Variants in NBEAL1 observed in about 807,000 individuals in gnomAD.
NBEAL1 encodes the protein neurobeachin like 1.
A neutral mutation model predicts 351.3 loss-of-function variants in NBEAL1; 273 were observed. The ratio of observed to expected loss-of-function variants is 0.78; its 90% confidence interval spans 0.70 to 0.86. NBEAL1 has a LOEUF of 0.86. Ranked by LOEUF, NBEAL1 falls within the 40% of genes least tolerant of loss-of-function variation. The probability of loss-of-function intolerance (pLI) is 0.00; values close to 1 mark genes in which losing one functional copy is unlikely to be tolerated. For missense variants in NBEAL1, 2,961 were observed against 3,201.3 expected (o/e 0.92, Z 1.81); for synonymous variants, 1,050 against 1,086.4 (o/e 0.97, Z 0.66).
At chr2:203,112,386 G>A (rs915104505) in intron 16 of NBEAL1, among the ~76,000 whole-genome samples, 13 of 152,126 alleles carry the variant, frequency 8.5e-5, no homozygotes, top group Admixed American at 2.6e-4. Context: ...TCAATCTATC[G>A]TTTAATAAAA....
intron 7 of NBEAL1, 27 bp from the exon 8 acceptor site, chr2:203,077,725 A>T: frequency 1.7e-6 from 2 of 1,150,448 alleles, no homozygotes; most frequent in Non-Finnish European, 2.3e-6. Context: ...AATCTTATTT[A>T]TTTATTTATT....
intron 46 of NBEAL1, among the ~76,000 whole-genome samples, chr2:203,192,120 G>A (rs565016825): frequency 1.3e-5 from 2 of 152,210 alleles, no homozygotes; most frequent in South Asian, 4.1e-4. Context: ...AGTTTGCTCG[G>A]AACCTCCAAC....
At chr2:203,097,492 T>TA (rs2062208208) in intron 10 of NBEAL1, 55 bp from the exon 11 acceptor site, 1 of 725,504 alleles carries the variant, frequency 1.4e-6, no homozygotes, top group East Asian at 1.3e-4. Flanking sequence ...CATTGCTGCT[T>TA]ATAGGTAACA....
intron 4 of NBEAL1, among the ~76,000 whole-genome samples, chr2:203,055,242 A>G (rs2061385654): frequency 6.6e-6 from 1 of 152,188 alleles, no homozygotes; most frequent in Non-Finnish European, 1.5e-5. Flanking sequence ...AGAGGCTTCC[A>G]ATTTTGCCTC....
chr2:203,156,680 C>T (rs188167723), intron 35 of NBEAL1, among the ~76,000 whole-genome samples: 53 of 152,136 alleles, frequency 3.5e-4, no homozygotes, highest in Admixed American at 5.9e-4. Context: ...CTGTACGTTA[C>T]GTTGATTCAT....
At chr2:203,125,794 A>G (rs1435651884) in intron 20 of NBEAL1, among the ~76,000 whole-genome samples, 166 bp from the exon 21 acceptor site, 1 of 152,138 alleles carries the variant, frequency 6.6e-6, no homozygotes, top group African/African-American at 2.4e-5. Flanking sequence ...TAAATATACA[A>G]TATTATAGTT....
At chr2:203,087,285 G>A (rs947454245) in intron 10 of NBEAL1, among the ~76,000 whole-genome samples, 1 of 151,234 alleles carries the variant, frequency 6.6e-6, no homozygotes, top group African/African-American at 2.4e-5. Context: ...TAGAGATGGG[G>A]TTTCACCACC....
At position 203,057,312 on chromosome 2, in the gene NBEAL1, A is replaced by T; in HGVS notation, c.388-14A>T. The T allele has an allele frequency of 6.5e-7, 1 of 1,540,150 alleles. No individual in the cohort carries two copies. Among genetic ancestry groups the T allele is most frequent in the Non-Finnish European group, 8.8e-7 (1 of 1,139,944 alleles). On this transcript the variant is annotated splice_polypyrimidine_tract_variant and intron_variant, in intron 5 of 55. Transcript: ENST00000683969. ...TAAGGCATGTCTTTAATTTATGTTT[A>T]ACTTTGTTCTCAGTTAAAAAGCAAA... is the stretch of plus-strand genomic sequence containing the variant.
chr2:203,077,751 G>C lies in NBEAL1; in HGVS notation c.599-1G>C. Reference sequence around the variant, plus strand: ...TTTATTTATTTATTTATTATTTACAGAATGTTTTCAGGAAAGTGAACATCT... The same window carrying C: ...TTTATTTATTTATTTATTATTTACACAATGTTTTCAGGAAAGTGAACATCT... On this transcript the variant is annotated splice_acceptor_variant, in intron 7 of 55. Transcript: ENST00000683969. LOFTEE classifies it high-confidence loss of function. 7.3e-7 allele frequency: 1 copy of C among 1,361,522 alleles called. No individual in the cohort carries two copies. The highest frequency in any genetic ancestry group is 2.7e-5 in the Admixed American group (1 of 37,018). The allele number at this position is 1,361,522 out of a possible 1,614,324, so 84.3% of individuals were successfully genotyped here. A position where few individuals can be genotyped will look rare whatever the true frequency, so the allele number is the denominator to read the frequency against.
At chr2:203,172,044 A>G (rs2064335546) in intron 40 of NBEAL1, 21 bp downstream of exon 40, 6 of 1,422,408 alleles carry the variant, frequency 4.2e-6, no homozygotes, top group East Asian at 2.3e-5. Context: ...CATAAACCTT[A>G]TAAATGTGGA....
chr2:203,030,127 T>G (rs539501740), intron 2 of NBEAL1, among the ~76,000 whole-genome samples: 1 of 151,886 alleles, frequency 6.6e-6, no homozygotes, highest in Admixed American at 6.6e-5. Flanking sequence ...AAAGGAAGAG[T>G]GGTCCTTAAG....
Position 203,131,119 on chromosome 2 carries a change from A to G in NBEAL1, c.3564+643A>G, listed in dbSNP as rs531153768. Among the ~76,000 whole-genome samples, 6 of 152,368 alleles carry G rather than the reference A, an allele frequency of 3.9e-5. No individual in the cohort carries two copies. The East Asian group carries it at 1.2e-3, about 29-fold the overall frequency. On this transcript the variant is annotated intron_variant, in intron 25 of 55. Transcript: ENST00000683969. ...TTCTCATTAAGAAACAAAATTTTAA[A>G]TTATTTCTCTTTAATTTGCCATGTA... is the stretch of plus-strand genomic sequence containing the variant.
At chr2:203,134,594 A>G (rs2063154721) in intron 27 of NBEAL1, among the ~76,000 whole-genome samples, 1 of 152,210 alleles carries the variant, frequency 6.6e-6, no homozygotes, top group Non-Finnish European at 1.5e-5. Context: ...CCTGGAAGCT[A>G]GAGTTCTTTT....
At chr2:203,096,380 C>T (rs1007874985) in intron 10 of NBEAL1, among the ~76,000 whole-genome samples, 21 of 152,096 alleles carry the variant, frequency 1.4e-4, no homozygotes, top group African/African-American at 5.1e-4. Context: ...GCATGTAACT[C>T]GACCTTTTGT....
rs757377019 is a variant in NBEAL1 at position 203,135,929 on chromosome 2, G to T, written c.4066G>T (p.Asp1356Tyr). 1.7e-5 allele frequency: 27 copies of T among 1,614,158 alleles called. No homozygotes were observed. The highest frequency in any genetic ancestry group is 2.3e-5 in the Non-Finnish European group (27 of 1,180,006). The change falls in exon 28 of 56, where the codon GAT becomes TAT. Residue 1356 changes from aspartate (D) to tyrosine (Y), a missense_variant. Asp to Tyr is a radical substitution (Grantham distance 160, BLOSUM62 -3). Transcript: ENST00000683969. Reference sequence around the variant, plus strand: ...TTTTGCCTCAGCTAATGTGTCTTCGGATCAGTGGAGTTTGGAGGATAGACA... The same window carrying T: ...TTTTGCCTCAGCTAATGTGTCTTCGTATCAGTGGAGTTTGGAGGATAGACA... ...TSFASANVSS[D>Y]QWSLEDRHSL...
intron 2 of NBEAL1, among the ~76,000 whole-genome samples, chr2:203,026,995 C>G (rs1199563579): frequency 6.6e-6 from 1 of 152,050 alleles, no homozygotes; most frequent in Non-Finnish European, 1.5e-5. Context: ...TGACAAAAAC[C>G]CTTGATTTCT....
intron 11 of NBEAL1, 48 bp downstream of exon 11, chr2:203,097,681 C>A: frequency 1.5e-6 from 1 of 671,140 alleles, no homozygotes; most frequent in Non-Finnish European, 1.8e-6. Context: ...CAAAATCAGC[C>A]AATGGGAATA....
At chr2:203,143,805 A>G (rs967771827) in intron 31 of NBEAL1, among the ~76,000 whole-genome samples, 1 of 152,138 alleles carries the variant, frequency 6.6e-6, no homozygotes, top group African/African-American at 2.4e-5. Context: ...TGGAAGATAG[A>G]GGTTATGTCT....
intron 8 of NBEAL1, 95 bp from the exon 9 acceptor site, chr2:203,083,124 A>C: frequency 9.3e-7 from 1 of 1,077,288 alleles, no homozygotes; most frequent in African/African-American, 1.6e-5. Context: ...TATTAAAAGA[A>C]AAGGTTGCCT....
Sources: allele counts gnomAD v4.1 joint callset (sites outside exome capture counted in the v4.1 genomes callset), GRCh38; gene constraint gnomAD v4.1.1; transcripts MANE v1.5; gene names NCBI Gene and HGNC (gene_info 2026-07-23, HGNC 2026-07-21).